LRRC8D: variants seen among roughly 807,000 people sequenced by gnomAD.
LRRC8D encodes the protein leucine rich repeat containing 8 VRAC subunit D.
A neutral mutation model predicts 55.8 loss-of-function variants in LRRC8D; 20 were observed. That is an observed-to-expected ratio of 0.36 (90% CI 0.25 to 0.52). The LOEUF is 0.52. Among genes scored for constraint, LRRC8D ranks in the 20% least tolerant of loss-of-function variants. The probability of loss-of-function intolerance (pLI) is 0.93; values close to 1 mark genes in which losing one functional copy is unlikely to be tolerated. For synonymous variants in LRRC8D, 352 were observed against 377.0 expected (o/e 0.93, Z 0.77); for missense variants, 651 against 1,030.8 (o/e 0.63, Z 5.05).
rs114222242 is a variant in LRRC8D at position 89,854,447 on chromosome 1, C to T, written c.-3+10665C>T. ...GCATGAATGACCTTTTACAATAGAA[C>T]GCACAGGCCCTGCCTGAAACATTAA... On this transcript the variant is annotated intron_variant, in intron 2 of 2. Coordinates refer to ENST00000337338, the MANE Select transcript of LRRC8D (RefSeq NM_001134479.2). Among the ~76,000 whole-genome samples, 880 of 151,876 alleles carry T rather than the reference C, an allele frequency of 5.8e-3. 9 individuals carry two copies. The highest frequency in any genetic ancestry group is 0.019 in the South Asian group (91 of 4,792).
chr1:89,842,954 C>T (rs527886274), intron 1 of LRRC8D: 1 of 152,292 alleles, frequency 6.6e-6, no homozygotes, highest in East Asian at 1.9e-4. Context: ...TGAGTAGAGA[C>T]CCTAGGAGGA....
At chr1:89,853,232 G>A (rs1041890691) in intron 2 of LRRC8D, among the ~76,000 whole-genome samples, 7 of 152,330 alleles carry the variant, frequency 4.6e-5, no homozygotes, top group Admixed American at 1.3e-4. Flanking sequence ...TTCTGGTTTT[G>A]ATGACTTACA....
chr1:89,935,911 A>G lies in LRRC8D; in HGVS notation c.*266A>G, dbSNP rs1663843684. The stretch of plus-strand genomic sequence containing the variant: ...AATCACTAATCTTGGTTCTTTTTAA[A>G]TTGTTTGTAACTTGGATGCTGCCGC... On this transcript the variant is annotated 3_prime_UTR_variant, in exon 3 of 3. Transcript: ENST00000337338. The G allele has an allele frequency of 1.6e-5, 5 of 321,734 alleles. No individual in the cohort carries two copies. Among genetic ancestry groups the G allele is most frequent in the Admixed American group, 4.7e-5 (1 of 21,466 alleles). The allele number at this position is 321,734 out of a possible 1,614,324, so 19.9% of individuals were successfully genotyped here. A position where few individuals can be genotyped will look rare whatever the true frequency, so the allele number is the denominator to read the frequency against.
intron 2 of LRRC8D, among the ~76,000 whole-genome samples, chr1:89,892,761 C>T (rs1662612559): frequency 6.6e-6 from 1 of 152,176 alleles, no homozygotes; most frequent in Non-Finnish European, 1.5e-5. Context: ...ACCTCATGAT[C>T]CACCCACCTC....
intron 2 of LRRC8D, among the ~76,000 whole-genome samples, chr1:89,856,706 C>T (rs1002821433): frequency 2.6e-5 from 4 of 152,088 alleles, no homozygotes; most frequent in Admixed American, 2.6e-4. Flanking sequence ...CTCTTGTAGA[C>T]GGTATATATT....
At chr1:89,827,808 C>G (rs1660799570) in intron 1 of LRRC8D, among the ~76,000 whole-genome samples, 1 of 152,144 alleles carries the variant, frequency 6.6e-6, no homozygotes, top group African/African-American at 2.4e-5. Context: ...GTGGCAGGCC[C>G]TCTATTAGTA....
intron 2 of LRRC8D, among the ~76,000 whole-genome samples, chr1:89,855,832 C>G (rs1305460389): frequency 6.6e-6 from 1 of 152,146 alleles, no homozygotes; most frequent in Non-Finnish European, 1.5e-5. Context: ...GGAAAGATTG[C>G]TTTCTCAAAA....
intron 1 of LRRC8D, among the ~76,000 whole-genome samples, chr1:89,835,402 A>G (rs2100721664): frequency 1.3e-5 from 2 of 152,304 alleles, no homozygotes; most frequent in Non-Finnish European, 2.9e-5. Flanking sequence ...TGTCCTCTGT[A>G]AGTATTAAAC....
chr1:89,925,582 C>G (rs536841467), intron 2 of LRRC8D, among the ~76,000 whole-genome samples: 4 of 152,126 alleles, frequency 2.6e-5, no homozygotes, highest in South Asian at 2.1e-4. Flanking sequence ...CACATGTACA[C>G]CCTGAACCTA....
intron 1 of LRRC8D, among the ~76,000 whole-genome samples, chr1:89,824,282 G>A (rs1011152918): frequency 8.5e-5 from 13 of 152,210 alleles, no homozygotes; most frequent in African/African-American, 3.1e-4. Flanking sequence ...TTGAGCTTAG[G>A]AAGCTGATGT....
intron 2 of LRRC8D, among the ~76,000 whole-genome samples, chr1:89,855,829 T>C (rs993123857): frequency 6.6e-6 from 1 of 152,218 alleles, no homozygotes; most frequent in East Asian, 1.9e-4. Context: ...ACAGGAAAGA[T>C]TGCTTTCTCA....
intron 2 of LRRC8D, among the ~76,000 whole-genome samples, chr1:89,902,972 T>A (rs1358038574): frequency 6.6e-6 from 1 of 152,226 alleles, no homozygotes; most frequent in African/African-American, 2.4e-5. Context: ...ATTGATTGCT[T>A]AATGTGCACG....
At chr1:89,836,428 ACCTTCTGC>A (rs1229702271) in intron 1 of LRRC8D, among the ~76,000 whole-genome samples, 1 of 152,146 alleles carries the variant, frequency 6.6e-6, no homozygotes, top group Non-Finnish European at 1.5e-5. Flanking sequence ...CATTCTCATG[ACCTTCTGC>A]CTGTGCGGCA....
At chr1:89,892,808 CTG>C (rs1662613974) in intron 2 of LRRC8D, among the ~76,000 whole-genome samples, 1 of 152,248 alleles carries the variant, frequency 6.6e-6, no homozygotes, top group African/African-American at 2.4e-5. Flanking sequence ...GCGTGAGCCA[CTG>C]TGCCTGGCCG....
At chr1:89,834,575 G>T (rs1660962356) in intron 1 of LRRC8D, among the ~76,000 whole-genome samples, 1 of 152,246 alleles carries the variant, frequency 6.6e-6, no homozygotes, top group African/African-American at 2.4e-5. Context: ...ATATGCCCCT[G>T]CTTTGAAGAT....
intron 2 of LRRC8D, among the ~76,000 whole-genome samples, chr1:89,890,624 T>C (rs1050358371): frequency 6.6e-5 from 10 of 152,300 alleles, no homozygotes; most frequent in African/African-American, 2.2e-4. Context: ...TCTTTTGACT[T>C]AAGAAGTCAC....
chr1:89,875,449 A>AT (rs1184213800), intron 2 of LRRC8D, among the ~76,000 whole-genome samples: 1 of 152,108 alleles, frequency 6.6e-6, no homozygotes, highest in Non-Finnish European at 1.5e-5. Flanking sequence ...CCTTATCCTT[A>AT]TGAAGACCAT....
chr1:89,847,894 A>C (rs1479537045), intron 2 of LRRC8D, among the ~76,000 whole-genome samples: 3 of 152,224 alleles, frequency 2.0e-5, no homozygotes, highest in African/African-American at 2.4e-5. Context: ...ATAGCACTGC[A>C]TGTATATATG....
intron 2 of LRRC8D, among the ~76,000 whole-genome samples, chr1:89,925,443 C>A (rs111964344): frequency 6.6e-6 from 1 of 152,158 alleles, no homozygotes; most frequent in Non-Finnish European, 1.5e-5. Flanking sequence ...CCCCCTCCCC[C>A]GTCCATGGAA....
Sources: allele counts gnomAD v4.1 joint callset (sites outside exome capture counted in the v4.1 genomes callset), GRCh38; gene constraint gnomAD v4.1.1; transcripts MANE v1.5; gene names NCBI Gene and HGNC (gene_info 2026-07-23, HGNC 2026-07-21).